SIPA1L3: variants seen among roughly 807,000 people sequenced by gnomAD.
SIPA1L3 encodes the protein signal induced proliferation associated 1 like 3.
Under a neutral mutation model 150.1 loss-of-function variants are expected in SIPA1L3, and 59 were observed. The observed-to-expected ratio is 0.39, with a 90% confidence interval of 0.32 to 0.49. The LOEUF (loss-of-function observed/expected upper bound fraction) is 0.49. Ranked by LOEUF, SIPA1L3 falls within the 20% of genes least tolerant of loss-of-function variation. SIPA1L3 has a pLI of 0.86. For synonymous variants in SIPA1L3, 1,070 were observed against 1,077.6 expected (o/e 0.99, Z 0.14); for missense variants, 2,211 against 2,489.5 (o/e 0.89, Z 2.38).
At position 38,128,200 on chromosome 19, in the gene SIPA1L3, G is replaced by A. The variant is rs144703822; in HGVS notation, c.2869-2298G>A. 2.8e-3 allele frequency among the ~76,000 whole-genome samples: 418 copies of A among 151,986 alleles called. 2 individuals are homozygous for A. The highest frequency in any genetic ancestry group is 9.6e-3 in the African/African-American group (400 of 41,490). ...CCCCTGAGTAGCTGGGATTACAGGC[G>A]TATACCACCACGTCAGGCCTCTTTT... On this transcript the variant is annotated intron_variant, in intron 9 of 21. Transcript: ENST00000222345.
intron 7 of SIPA1L3, among the ~76,000 whole-genome samples, chr19:38,107,992 G>C (rs59108266): frequency 7.1e-6 from 1 of 141,484 alleles, no homozygotes; most frequent in African/African-American, 3.0e-5. Flanking sequence ...AGAAAAAAAA[G>C]CAAAAAAAAA....
intron 2 of SIPA1L3, among the ~76,000 whole-genome samples, chr19:38,078,514 ACACACACACAGACGCACACAGACACG>A (rs563020307): frequency 0.02 from 3,054 of 151,326 alleles, 57 homozygotes; most frequent in South Asian, 0.033. Flanking sequence ...ACAGACATGC[ACACACACACAGACGCACACAGACACG>A]CACACACACA....
intron 1 of SIPA1L3, among the ~76,000 whole-genome samples, chr19:37,957,315 G>T (rs1445782544): frequency 3.3e-5 from 5 of 152,200 alleles, no homozygotes; most frequent in Non-Finnish European, 5.9e-5. Context: ...CTGCACAAAA[G>T]CCTGCTGGGA....
chr19:38,136,183 CAAAA>C (rs56146390), intron 10 of SIPA1L3, among the ~76,000 whole-genome samples: 9 of 44,118 alleles, frequency 2.0e-4, no homozygotes, highest in Non-Finnish European at 2.9e-4. Flanking sequence ...GAGACTGTCT[CAAAA>C]AAAAAAAAAA....
At chr19:38,142,467 G>C in intron 11 of SIPA1L3, 106 bp from the exon 12 acceptor site, 1 of 1,323,778 alleles carries the variant, frequency 7.6e-7, no homozygotes, top group East Asian at 2.4e-5. Flanking sequence ...CGGTTGGTCT[G>C]TCTGTCTGTC....
chr19:38,178,945 G>C (rs148159122), intron 15 of SIPA1L3, among the ~76,000 whole-genome samples: 1 of 152,288 alleles, frequency 6.6e-6, no homozygotes, highest in South Asian at 2.1e-4. Flanking sequence ...TTGCTAAATT[G>C]TGGAAAGCAT....
rs142547881 is a variant in SIPA1L3, at chr19:38,142,675, G to A, written c.3498G>A (p.Ser1166=). The part of the protein sequence containing the change: ...QPSGSFSTPG[S]ATYVRYKPSP... The stretch of plus-strand genomic sequence containing the variant: ...CTGGGAGCTTCTCCACCCCCGGTTC[G>A]GCCACCTACGTGAGATACAAGCCAT... The change falls in exon 12 of 22, where the codon TCG becomes TCA. Residue 1166 remains serine (S), a synonymous_variant. Transcript: ENST00000222345. 1.4e-5 allele frequency: 22 copies of A among 1,613,908 alleles called. No homozygotes were observed. Among genetic ancestry groups the A allele is most frequent in the Non-Finnish European group, 1.7e-5 (20 of 1,179,908 alleles).
At chr19:37,983,474 T>G (rs1967253077) in intron 1 of SIPA1L3, among the ~76,000 whole-genome samples, 1 of 152,210 alleles carries the variant, frequency 6.6e-6, no homozygotes, top group Non-Finnish European at 1.5e-5. Context: ...AGTTAGCAGC[T>G]GCTCCTAGGC....
intron 1 of SIPA1L3, among the ~76,000 whole-genome samples, chr19:37,938,748 G>A (rs569293316): frequency 3.3e-5 from 5 of 151,008 alleles, no homozygotes; most frequent in African/African-American, 7.3e-5. Context: ...TCAGCCTCAC[G>A]AGTAGTTGGG....
chr19:38,081,469 TG>T lies in SIPA1L3; in HGVS notation c.-94del. Reference sequence around the variant, plus strand: ...TTTCAGGGCCCAGCATCCTTCATCCTGGGCCTGGCTGCCCTGAACAATGGCT... The same window carrying T: ...TTTCAGGGCCCAGCATCCTTCATCCTGGCCTGGCTGCCCTGAACAATGGCT... On this transcript the variant is annotated 5_prime_UTR_variant, in exon 3 of 22. The change creates a premature stop within an existing upstream ORF in the 5' untranslated region. Transcript: ENST00000222345. 1.6e-6 allele frequency: 2 copies of T among 1,213,222 alleles called. No individual in the cohort carries two copies. Among genetic ancestry groups the T allele is most frequent in the Non-Finnish European group, 2.3e-6 (2 of 874,066 alleles). The allele number at this position is 1,213,222 out of a possible 1,614,324, so 75.2% of individuals were successfully genotyped here.
intron 14 of SIPA1L3, among the ~76,000 whole-genome samples, chr19:38,163,817 C>T (rs562521593): frequency 3.4e-4 from 52 of 152,318 alleles, no homozygotes; most frequent in African/African-American, 1.1e-3. Flanking sequence ...ATGCTGGGAA[C>T]TCTCACTTGT....
At chr19:38,043,384 T>A (rs1725517) in intron 2 of SIPA1L3, among the ~76,000 whole-genome samples, 61,323 of 151,262 alleles carry the variant, frequency 0.41, 13,972 homozygotes, top group African/African-American at 0.63. Context: ...AAGAAAGAAA[T>A]AGAGAAAAAG....
intron 7 of SIPA1L3, chr19:38,109,247 A>C (rs1007014520): frequency 7.2e-5 from 11 of 152,190 alleles, no homozygotes; most frequent in Non-Finnish European, 1.5e-4. Context: ...GGCAAAGAAG[A>C]ACCAAAATCA....
intron 6 of SIPA1L3, among the ~76,000 whole-genome samples, chr19:38,102,754 C>A (rs952648526): frequency 2.9e-5 from 4 of 139,812 alleles, no homozygotes; most frequent in African/African-American, 1.1e-4. Flanking sequence ...ATTGCTTGAG[C>A]CTGGGAGTTT....
At chr19:37,927,560 G>A (rs970908318) in intron 1 of SIPA1L3, among the ~76,000 whole-genome samples, 6 of 138,094 alleles carry the variant, frequency 4.3e-5, no homozygotes, top group Admixed American at 1.4e-4. Flanking sequence ...GTGTGTGTGT[G>A]TACGTACCCA....
Position 38,191,832 on chromosome 19 carries a change from C to T in SIPA1L3, c.4431-313C>T, listed in dbSNP as rs73627675. ...TCTCAAACAACAAAAAAAAGCCTCTCCCCTCACACAGGGGGTCTGTCTCTG... is the reference window on the plus strand; with the variant it reads ...TCTCAAACAACAAAAAAAAGCCTCTTCCCTCACACAGGGGGTCTGTCTCTG... On this transcript the variant is annotated intron_variant, in intron 16 of 21. Coordinates refer to ENST00000222345, the MANE Select transcript of SIPA1L3 (RefSeq NM_015073.3). 0.075 allele frequency among the ~76,000 whole-genome samples: 11,412 copies of T among 152,166 alleles called. 1,227 individuals carry two copies. The highest frequency in any genetic ancestry group is 0.23 in the African/African-American group (9,414 of 41,490).
At chr19:38,079,997 G>A (rs1969939919) in intron 2 of SIPA1L3, among the ~76,000 whole-genome samples, 1 of 152,196 alleles carries the variant, frequency 6.6e-6, no homozygotes, top group African/African-American at 2.4e-5. Flanking sequence ...AGTCAGGGAT[G>A]GGGAGAGACA....
Position 38,119,493 on chromosome 19 carries a change from G to GTT in SIPA1L3, c.2479_2480insTT (p.Asp827ValfsTer24). The GTT allele has an allele frequency of 6.2e-7, 1 of 1,614,168 alleles. No homozygotes were observed. The highest frequency in any genetic ancestry group is 8.5e-7 in the Non-Finnish European group (1 of 1,180,030). On this transcript the variant is annotated frameshift_variant, in exon 9 of 22. Transcript: ENST00000222345. LOFTEE classifies it high-confidence loss of function. ...CAGGACCCGCCAGGAGTATCTCAAG[G>GTT]ACCTGGCCGAAAACTGTGTCTCCAA... is the stretch of plus-strand genomic sequence containing the variant.
At chr19:38,170,862 A>T (rs1033521203) in intron 15 of SIPA1L3, among the ~76,000 whole-genome samples, 1 of 151,852 alleles carries the variant, frequency 6.6e-6, no homozygotes, top group Non-Finnish European at 1.5e-5. Context: ...GGAGCGGGTG[A>T]AGGAGGAGAG....
Sources: allele counts gnomAD v4.1 joint callset (sites outside exome capture counted in the v4.1 genomes callset), GRCh38; gene constraint gnomAD v4.1.1; transcripts MANE v1.5; gene names NCBI Gene and HGNC (gene_info 2026-07-23, HGNC 2026-07-21).